The following GPI variants were observed in gnomAD, a reference collection of about 807,000 sequenced individuals.
The protein encoded by GPI is D-hexose-6-phosphate anomerase.
GPI carries 56 observed loss-of-function variants against 75.8 expected under a neutral mutation model. The ratio of observed to expected loss-of-function variants is 0.74; its 90% CI spans 0.60 to 0.92. The LOEUF is 0.92. Ranked by LOEUF, GPI falls within the 40% of genes least tolerant of loss-of-function variation. The pLI is 0.00. For missense variants in GPI, 638 were observed against 741.0 expected, an observed-to-expected ratio of 0.86 and a Z score of 1.61; for synonymous variants, 288 against 285.4, an observed-to-expected ratio of 1.01 and a Z score of -0.09.
chr19:34,366,038 G>C, intron 1 of GPI: 1 of 610,962 alleles, frequency 1.6e-6, no homozygotes, highest in Admixed American at 2.1e-5. Context: ...CTGGATGGGT[G>C]CCTGAGTAAC....
At chr19:34,397,848 C>A (rs1360208780) in intron 14 of GPI, 1 of 149,284 alleles carries the variant, frequency 6.7e-6, no homozygotes, top group Non-Finnish European at 1.5e-5. Context: ...ATTGGGGCTA[C>A]TAGATAATCC....
chr19:34,386,689 C>G (rs943589689), intron 9 of GPI, among the ~76,000 whole-genome samples: 2 of 152,158 alleles, frequency 1.3e-5, no homozygotes, highest in African/African-American at 2.4e-5. Flanking sequence ...CCTAGGAGGT[C>G]TGTGGCCCCT....
intron 9 of GPI, among the ~76,000 whole-genome samples, chr19:34,383,624 G>A (rs1467342398): frequency 6.6e-6 from 1 of 152,196 alleles, no homozygotes; most frequent in Non-Finnish European, 1.5e-5. Context: ...TGAAGTCCAA[G>A]TCTGTGGCAT....
chr19:34,368,541 G>A lies in GPI; in HGVS notation c.283-42G>A, dbSNP rs755915852. Reference sequence around the variant, plus strand: ...CCCAGCTGGGAGCATGGCTGCCTGGGGTTGGGGGGGGCAGTCTTTATATCC... The same window carrying A: ...CCCAGCTGGGAGCATGGCTGCCTGGAGTTGGGGGGGGCAGTCTTTATATCC... On this transcript the variant is annotated intron_variant, in intron 3 of 17. Transcript: ENST00000356487. The A allele has an allele frequency of 6.2e-6, 10 of 1,612,834 alleles. No homozygotes were observed. In the African/African-American group the frequency reaches 1.2e-4, roughly 19 times the overall value.
At chr19:34,378,568 G>T (rs1303013368) in intron 6 of GPI, among the ~76,000 whole-genome samples, 2 of 152,052 alleles carry the variant, frequency 1.3e-5, no homozygotes, top group East Asian at 1.9e-4. Context: ...GAGGGGTTTT[G>T]TTTGTTTTTA....
intron 9 of GPI, chr19:34,392,054 TACA>T: frequency 2.9e-3 from 3 of 1,024 alleles, no homozygotes; most frequent in Non-Finnish European, 4.5e-3. Flanking sequence ...TAGGATCTGG[TACA>T]GGTGTGAGGA....
Position 34,393,566 on chromosome 19 carries a change from A to G in GPI, c.866-162A>G. On this transcript the variant is annotated intron_variant, in intron 10 of 17. Coordinates refer to ENST00000356487, the MANE Select transcript of GPI (RefSeq NM_000175.5). This position sits in a 1 kb window ranked among gnomAD's most constrained non-coding sequence, Gnocchi z 4.4. ...TAGGCAGAGTCAGATCCCTGCACTC[A>G]GGGCCACCTCTCACTGGAGGGGCTT... 1 of 745,520 alleles carries G rather than the reference A, an allele frequency of 1.3e-6. No homozygotes were observed. Among genetic ancestry groups the G allele is most frequent in the Non-Finnish European group, 2.3e-6 (1 of 426,096 alleles). The allele number at this position is 745,520 out of a possible 1,614,324, so 46.2% of individuals were successfully genotyped here.
intron 4 of GPI, among the ~76,000 whole-genome samples, chr19:34,369,620 T>C (rs1238033275): frequency 6.6e-6 from 1 of 151,700 alleles, no homozygotes; most frequent in Non-Finnish European, 1.5e-5. Flanking sequence ...GGCAGGAGAA[T>C]CGCTTGAACC....
intron 9 of GPI, among the ~76,000 whole-genome samples, chr19:34,382,990 G>A (rs1343425100): frequency 6.6e-6 from 1 of 152,192 alleles, no homozygotes; most frequent in Non-Finnish European, 1.5e-5. Context: ...TCCTGCAGGT[G>A]GGGTCTCGGG....
intron 8 of GPI, among the ~76,000 whole-genome samples, chr19:34,380,578 G>A (rs532689774): frequency 9.2e-5 from 14 of 152,298 alleles, no homozygotes; most frequent in African/African-American, 3.4e-4. Flanking sequence ...CACTGTACCC[G>A]GCCCACTTAG....
chr19:34,365,623 GA>G, intron 1 of GPI: 3 of 713,514 alleles, frequency 4.2e-6, no homozygotes, highest in South Asian at 1.5e-5. Flanking sequence ...TCGTTACGAG[GA>G]AAAACGGGCC....
At chr19:34,365,883 C>T (rs1295690901) in intron 1 of GPI, 1 of 472,382 alleles carries the variant, frequency 2.1e-6, no homozygotes, top group East Asian at 6.6e-5. Flanking sequence ...GACACCTGTG[C>T]ACGACCGGGA....
At position 34,381,479 on chromosome 19, in the gene GPI, A is replaced by C. The variant is rs1475031143; in HGVS notation, c.764A>C (p.Glu255Ala). 2 of 1,602,192 alleles carry C rather than the reference A, an allele frequency of 1.2e-6. No individual in the cohort carries two copies. The highest frequency in any genetic ancestry group is 1.7e-5 in the Admixed American group (1 of 59,912). Residue 255 changes from glutamate (E) to alanine (A), a missense_variant, in exon 9 of 18, where the codon GAG (glutamate) becomes GCG (alanine). Transcript: ENST00000356487. ...TTTTTTTTGTAGACCAAAGTGAAGG[A>C]GTTTGGAATTGACCCTCAAAACATG... ...ALSTNTTKVK[E>A]FGIDPQNMFE...
chr19:34,364,568 A>C (rs909782085), upstream of GPI, among the ~76,000 whole-genome samples: 8 of 151,072 alleles, frequency 5.3e-5, no homozygotes, highest in African/African-American at 1.9e-4. Context: ...AGTAGAGATG[A>C]GGTTTCACCA....
chr19:34,368,803 G>A lies in GPI; in HGVS notation c.402+101G>A, dbSNP rs150009787. The A allele has an allele frequency of 4.9e-5, 68 of 1,378,934 alleles. No individual in the cohort carries two copies. In the East Asian group the frequency reaches 1.4e-3, roughly 29 times the overall value. The allele number at this position is 1,378,934 out of a possible 1,614,324, so 85.4% of individuals were successfully genotyped here. A position where few individuals can be genotyped will look rare whatever the true frequency, so the allele number is the denominator to read the frequency against. On this transcript the variant is annotated intron_variant, in intron 4 of 17. Transcript: ENST00000356487. ...AGCTCTTCCCTCTTCTTGTAGGCAG[G>A]ACTCAGGTTCTCACTGCAGCTTAAG...
chr19:34,394,178 G>T (rs924413651), intron 12 of GPI, 112 bp downstream of exon 12: 3 of 759,096 alleles, frequency 4.0e-6, no homozygotes, highest in Non-Finnish European at 6.8e-6. Context: ...TTGCCCTTGG[G>T]CCTGGCCAAG....
intron 4 of GPI, among the ~76,000 whole-genome samples, chr19:34,377,073 C>T (rs1016973381): frequency 3.6e-4 from 54 of 151,332 alleles, no homozygotes; most frequent in Admixed American, 2.7e-3. Flanking sequence ...GAGGCTGAGG[C>T]GGGCAGATCA....
chr19:34,364,084 C>T (rs897407651), upstream of GPI, among the ~76,000 whole-genome samples: 1 of 152,084 alleles, frequency 6.6e-6, no homozygotes, highest in African/African-American at 2.4e-5. Flanking sequence ...AGCTGGAGTA[C>T]AGTGGTGGTA....
In GPI at chr19:34,365,308, G is replaced by A. The variant is rs1209694604; in HGVS notation, c.42G>A (p.Gln14=). The change falls in exon 1 of 18, where the codon CAG becomes CAA. Residue 14 remains glutamine (Q), a synonymous_variant. Coordinates refer to ENST00000356487, the MANE Select transcript of GPI (RefSeq NM_000175.5). ...GGGACCCCCAGTTCCAGAAGCTGCA[G>A]CAATGGTACCGCGAGCACCGCTCCG... The part of the protein sequence containing the change: ...LTRDPQFQKL[Q]QWYREHRSEL... The A allele has an allele frequency of 4.4e-6, 7 of 1,586,906 alleles. No individual in the cohort carries two copies. The highest frequency in any genetic ancestry group is 6.0e-6 in the Non-Finnish European group (7 of 1,168,644).
Sources: gnomAD v4.1 joint callset for allele counts (sites outside exome capture counted in the v4.1 genomes callset) on GRCh38, gnomAD v4.1.1 for gene constraint, Gnocchi (gnomAD v3.1) non-coding constraint, MANE v1.5 for transcripts, NCBI Gene and HGNC (gene_info 2026-07-23, HGNC 2026-07-21) for gene names.